HSD17B11: variants seen among roughly 807,000 people sequenced by gnomAD.
The protein encoded by HSD17B11 is estradiol 17-beta-dehydrogenase 11.
Under a neutral mutation model 27.8 loss-of-function variants are expected in HSD17B11, and 22 were observed. The ratio of observed to expected loss-of-function variants is 0.79; its 90% CI spans 0.56 to 1.13. The LOEUF (loss-of-function observed/expected upper bound fraction) is 1.13, where lower values mean the gene tolerates loss of function less well. Among genes scored for constraint, HSD17B11 ranks in the 50% most tolerant of loss-of-function variants. HSD17B11 has a pLI of 0.00. For synonymous variants in HSD17B11, 117 were observed against 132.8 expected (o/e 0.88, Z 0.82); for missense variants, 314 against 351.1 (o/e 0.89, Z 0.84).
chr4:87,378,905 AATAT>A lies in HSD17B11; in HGVS notation c.318+3346_318+3349del, dbSNP rs1290386830. ...AAATATATATATATAAATATATATAAATATATATATATAAATATATATAAATATA... is the reference window on the plus strand; with the variant it reads ...AAATATATATATATAAATATATATAAATATATATAAATATATATAAATATA... On this transcript the variant is annotated intron_variant, in intron 2 of 6. Coordinates refer to ENST00000358290, the MANE Select transcript of HSD17B11 (RefSeq NM_016245.5). Among the ~76,000 whole-genome samples, 115 of 12,368 alleles carry A rather than the reference AATAT, an allele frequency of 9.3e-3. 24 individuals carry two copies. Among genetic ancestry groups the A allele is most frequent in the Non-Finnish European group, 0.011 (91 of 7,972 alleles). 8.1% of individuals were successfully genotyped at this position (12,368 alleles called of 152,430 possible). A position where few individuals can be genotyped will look rare whatever the true frequency, so the allele number is the denominator to read the frequency against.
intron 5 of HSD17B11, 31 bp downstream of exon 5, chr4:87,357,248 C>T (rs1735405212): frequency 3.7e-6 from 6 of 1,604,750 alleles, no homozygotes; most frequent in Non-Finnish European, 5.1e-6. Context: ...ATAGCAACCA[C>T]CAATCCTTTT....
At chr4:87,360,159 A>G (rs1242113751) in intron 4 of HSD17B11, among the ~76,000 whole-genome samples, 4 of 151,414 alleles carry the variant, frequency 2.6e-5, no homozygotes, top group Admixed American at 6.6e-5. Flanking sequence ...ATGTACAGAT[A>G]TTTCACCTCA....
At chr4:87,387,538 AC>A (rs531380320) in intron 1 of HSD17B11, among the ~76,000 whole-genome samples, 63 of 152,066 alleles carry the variant, frequency 4.1e-4, no homozygotes, top group African/African-American at 1.5e-3. Flanking sequence ...CCAAATCCCC[AC>A]CCTGTCCTTT....
At chr4:87,365,042 G>C (rs1299852286) in intron 4 of HSD17B11, among the ~76,000 whole-genome samples, 1 of 152,194 alleles carries the variant, frequency 6.6e-6, no homozygotes, top group African/African-American at 2.4e-5. Flanking sequence ...GGTGGTGGGC[G>C]CCTGTAATCC....
At chr4:87,378,877 T>TAAATATAA (rs1560769231) in intron 2 of HSD17B11, among the ~76,000 whole-genome samples, 2 of 16,614 alleles carry the variant, frequency 1.2e-4, no homozygotes, top group Non-Finnish European at 1.9e-4. Context: ...AATATATATA[T>TAAATATAA]ATAAATATAT....
intron 2 of HSD17B11, among the ~76,000 whole-genome samples, chr4:87,377,780 A>AT (rs1442935988): frequency 6.6e-6 from 1 of 152,222 alleles, no homozygotes. Flanking sequence ...AGTTATCATT[A>AT]TTTAGAGATA....
chr4:87,344,230 C>A (rs62305730), intron 5 of HSD17B11, among the ~76,000 whole-genome samples: 25,970 of 152,060 alleles, frequency 0.17, 2,388 homozygotes, highest in African/African-American at 0.23. Flanking sequence ...CACACACATA[C>A]AAACTCCTAA....
At chr4:87,369,432 C>CTTCT (rs1553959610) in intron 4 of HSD17B11, among the ~76,000 whole-genome samples, 14 of 141,098 alleles carry the variant, frequency 9.9e-5, no homozygotes, top group Non-Finnish European at 1.1e-4. Context: ...ATTCCAAATT[C>CTTCT]TTTTTTTTTT....
At chr4:87,370,729 T>C (rs1244200621) in intron 4 of HSD17B11, among the ~76,000 whole-genome samples, 1 of 12,078 alleles carries the variant, frequency 8.3e-5, no homozygotes, top group Non-Finnish European at 1.4e-4. Context: ...GATATTATTA[T>C]TATTATTATT....
rs193161970 is a variant in HSD17B11, at chr4:87,360,067, A to G, written c.558-2651T>C. Among the ~76,000 whole-genome samples the G allele has an allele frequency of 2.6e-5, 4 of 152,368 alleles. No homozygotes were observed. In the East Asian group the frequency reaches 7.7e-4, roughly 29 times the overall value. On this transcript the variant is annotated intron_variant, in intron 4 of 6. Transcript: ENST00000358290. ...AAATGATTTACTTTAGGAATAATTC[A>G]TATAAAAGCAAAGTAAAACAAGACG...
chr4:87,367,424 G>A (rs1735631534), intron 4 of HSD17B11, among the ~76,000 whole-genome samples: 1 of 152,134 alleles, frequency 6.6e-6, no homozygotes, highest in Admixed American at 6.5e-5. Context: ...AGGTATTTAA[G>A]GGTACAAACC....
At chr4:87,382,974 T>C (rs551800196) in intron 1 of HSD17B11, among the ~76,000 whole-genome samples, 1 of 152,324 alleles carries the variant, frequency 6.6e-6, no homozygotes, top group Admixed American at 6.5e-5. Flanking sequence ...GATTGAATAT[T>C]GGCAGTTTCA....
chr4:87,375,697 C>T lies in HSD17B11; in HGVS notation c.319-867G>A, dbSNP rs192368872. On this transcript the variant is annotated intron_variant, in intron 2 of 6. Transcript: ENST00000358290. ...CGGAAGTTGCGGTGAGCTGAGATCG[C>T]GCCATCGCACTCCGGCCTGGGCAAC... Among the ~76,000 whole-genome samples, 612 of 152,234 alleles carry T rather than the reference C, an allele frequency of 4.0e-3. 3 individuals carry two copies. The highest frequency in any genetic ancestry group is 0.014 in the African/African-American group (570 of 41,526).
At position 87,357,948 on chromosome 4, in the gene HSD17B11, AATTTTTTTTTTT is replaced by A. The variant is rs1291433366; in HGVS notation, c.558-544_558-533del. 1.0e-3 allele frequency among the ~76,000 whole-genome samples: 99 copies of A among 97,388 alleles called. 1 individual carries two copies. Among genetic ancestry groups the A allele is most frequent in the African/African-American group, 4.2e-3 (94 of 22,306 alleles). 63.9% of individuals were successfully genotyped at this position (97,388 alleles called of 152,430 possible). A position where few individuals can be genotyped will look rare whatever the true frequency, so the allele number is the denominator to read the frequency against. ...TTTGTAACTGAACATTCATTAGAGA[AATTTTTTTTTTT>A]TTTTTTTTTTTTTTTTTTTGAGACA... On this transcript the variant is annotated intron_variant, in intron 4 of 6. Transcript: ENST00000358290.
chr4:87,354,362 G>C lies in HSD17B11; in HGVS notation c.695+2917C>G, dbSNP rs117024244. On this transcript the variant is annotated intron_variant, in intron 5 of 6. Transcript: ENST00000358290. ...AGGCCAGGCATGGTGACTCATGCCT[G>C]TAATCCCAGCACTTTGAGAGGCTGA... 2.6e-4 allele frequency among the ~76,000 whole-genome samples: 39 copies of C among 152,226 alleles called. No homozygotes were observed. The East Asian group carries it at 5.4e-3, about 21-fold the overall frequency.
At chr4:87,379,294 G>A (rs1429667641) in intron 2 of HSD17B11, among the ~76,000 whole-genome samples, 2 of 150,522 alleles carry the variant, frequency 1.3e-5, no homozygotes, top group African/African-American at 4.9e-5. Context: ...CCACGCTCCA[G>A]CAGATATATT....
chr4:87,380,532 TAAAATGGCCACCTC>T (rs1161380755), intron 2 of HSD17B11, among the ~76,000 whole-genome samples: 1 of 146,176 alleles, frequency 6.8e-6, no homozygotes, highest in Non-Finnish European at 1.5e-5. Context: ...GTTCTGATAC[TAAAATGGCCACCTC>T]AAAATAGCTA....
chr4:87,345,977 G>GT (rs1325378177), intron 5 of HSD17B11, among the ~76,000 whole-genome samples: 1 of 152,158 alleles, frequency 6.6e-6, no homozygotes, highest in African/African-American at 2.4e-5. Flanking sequence ...TAAAAACAGA[G>GT]TAAGAGATCA....
chr4:87,362,156 T>C (rs562770634), intron 4 of HSD17B11, among the ~76,000 whole-genome samples: 9 of 152,224 alleles, frequency 5.9e-5, no homozygotes, highest in Non-Finnish European at 1.0e-4. Context: ...CAGGTCCTTC[T>C]TAATAAAAGG....
Sources: allele counts gnomAD v4.1 joint callset (sites outside exome capture counted in the v4.1 genomes callset), GRCh38; gene constraint gnomAD v4.1.1; transcripts MANE v1.5; gene names NCBI Gene and HGNC (gene_info 2026-07-23, HGNC 2026-07-21).